CWC27: variants seen among roughly 807,000 people sequenced by gnomAD.
The protein encoded by CWC27 is spliceosome-associated protein CWC27 homolog.
Under a neutral mutation model 63.6 loss-of-function variants are expected in CWC27, and 47 were observed. The observed-to-expected ratio is 0.74, with a 90% confidence interval of 0.58 to 0.94. The LOEUF (loss-of-function observed/expected upper bound fraction) is 0.94. Among genes scored for constraint, CWC27 ranks in the 40% least tolerant of loss-of-function variants. The pLI, the probability that CWC27 is intolerant of heterozygous loss-of-function variation, is 0.00. For missense variants in CWC27, 495 were observed against 554.3 expected (o/e 0.89, Z 1.07); for synonymous variants, 175 against 179.8 (o/e 0.97, Z 0.22).
At chr5:64,807,207 G>A (rs1346930411) in intron 10 of CWC27, among the ~76,000 whole-genome samples, 2 of 152,140 alleles carry the variant, frequency 1.3e-5, no homozygotes, top group African/African-American at 4.8e-5. Flanking sequence ...TTTAAGCAAT[G>A]AGCCGTTCAA....
At chr5:64,837,135 A>G (rs1191459625) in intron 10 of CWC27, among the ~76,000 whole-genome samples, 1 of 152,100 alleles carries the variant, frequency 6.6e-6, no homozygotes, top group Non-Finnish European at 1.5e-5. Flanking sequence ...TCCAGGTACA[A>G]ATGAGAAACC....
At chr5:64,895,320 GA>G (rs75134965) in intron 11 of CWC27, among the ~76,000 whole-genome samples, 56,537 of 143,538 alleles carry the variant, frequency 0.39, 11,328 homozygotes, top group East Asian at 0.53. Flanking sequence ...CAACCTAACA[GA>G]AAAAAAAAAA....
intron 10 of CWC27, among the ~76,000 whole-genome samples, chr5:64,823,055 G>A (rs755898579): frequency 1.3e-5 from 2 of 152,116 alleles, no homozygotes; most frequent in African/African-American, 2.4e-5. Context: ...AGCATTGTTT[G>A]CTAGAAATGA....
At chr5:65,010,884 G>C (rs1291294490) in intron 13 of CWC27, among the ~76,000 whole-genome samples, 2 of 152,144 alleles carry the variant, frequency 1.3e-5, no homozygotes, top group Admixed American at 1.3e-4. Flanking sequence ...CAATGATTTG[G>C]AATTATGTAT....
At chr5:64,857,823 G>C (rs1746290704) in intron 10 of CWC27, among the ~76,000 whole-genome samples, 1 of 152,156 alleles carries the variant, frequency 6.6e-6, no homozygotes, top group East Asian at 1.9e-4. Context: ...TAAAATTTCT[G>C]TGTATTAAAA....
chr5:64,937,804 T>C (rs1417615012), intron 11 of CWC27, among the ~76,000 whole-genome samples: 1 of 152,172 alleles, frequency 6.6e-6, no homozygotes, highest in East Asian at 1.9e-4. Context: ...ATATTTAGGA[T>C]AGTTAGCTGT....
At chr5:64,874,886 G>C (rs765936503) in intron 10 of CWC27, among the ~76,000 whole-genome samples, 2 of 151,728 alleles carry the variant, frequency 1.3e-5, no homozygotes, top group African/African-American at 2.4e-5. Flanking sequence ...AGAAATGGAA[G>C]TCAAATTTGT....
intron 13 of CWC27, among the ~76,000 whole-genome samples, chr5:64,984,080 G>A (rs988344139): frequency 6.6e-6 from 1 of 152,084 alleles, no homozygotes; most frequent in African/African-American, 2.4e-5. Context: ...TGATCTGCCC[G>A]CCTCAGCCTC....
intron 11 of CWC27, among the ~76,000 whole-genome samples, chr5:64,946,939 T>C (rs1247480158): frequency 1.3e-5 from 2 of 152,134 alleles, no homozygotes; most frequent in Non-Finnish European, 2.9e-5. Context: ...AGAGCTCAGC[T>C]CAGCCTAGTA....
chr5:64,889,543 T>C lies in CWC27; in HGVS notation c.1042+3997T>C, dbSNP rs1394783065. Among the ~76,000 whole-genome samples, 5 of 152,354 alleles carry C rather than the reference T, an allele frequency of 3.3e-5. No individual in the cohort carries two copies. The South Asian group carries it at 1.0e-3, about 32-fold the overall frequency. On this transcript the variant is annotated intron_variant, in intron 11 of 13. Transcript: ENST00000381070. ...AGAAAATCCAGTTATTTCTATATGA[T>C]ATAAGGAAAGTTAACAGAAAAATAC...
chr5:64,885,813 A>G (rs1021561892), intron 11 of CWC27, among the ~76,000 whole-genome samples: 1 of 151,436 alleles, frequency 6.6e-6, no homozygotes, highest in Non-Finnish European at 1.5e-5. Context: ...AAGTAAATTC[A>G]GTGCAAATGG....
chr5:64,841,492 T>TA (rs1265550174), intron 10 of CWC27, among the ~76,000 whole-genome samples: 2 of 152,182 alleles, frequency 1.3e-5, no homozygotes, highest in Non-Finnish European at 2.9e-5. Flanking sequence ...AATATACCCT[T>TA]ACCCACCTAG....
At position 64,769,120 on chromosome 5, in the gene CWC27, G is replaced by A. The variant is rs1743143823; in HGVS notation, c.-27G>A. 1 of 1,612,308 alleles carries A rather than the reference G, an allele frequency of 6.2e-7. No homozygotes were observed. The highest frequency in any genetic ancestry group is 1.3e-5 in the African/African-American group (1 of 74,898). On this transcript the variant is annotated 5_prime_UTR_variant, in exon 1 of 14. Transcript: ENST00000381070. ...GGCCGGCCGCTCTCATCCCCCGTAA[G>A]GAGCAGAGTCCTTTGTACTGACCAA...
chr5:64,849,673 T>C (rs147578356), intron 10 of CWC27, among the ~76,000 whole-genome samples: 16 of 150,430 alleles, frequency 1.1e-4, no homozygotes, highest in African/African-American at 3.9e-4. Context: ...TCTCAAATTG[T>C]AATTCCCCCA....
intron 10 of CWC27, among the ~76,000 whole-genome samples, chr5:64,834,862 T>TA (rs1380568828): frequency 2.0e-5 from 3 of 151,770 alleles, no homozygotes; most frequent in Admixed American, 6.6e-5. Flanking sequence ...GAATTGTTTC[T>TA]AAAGATTGTC....
intron 10 of CWC27, among the ~76,000 whole-genome samples, chr5:64,855,150 C>G (rs941025037): frequency 6.6e-6 from 1 of 151,990 alleles, no homozygotes; most frequent in Non-Finnish European, 1.5e-5. Context: ...AATGGTCTAA[C>G]AATTAGCAAT....
At position 64,885,376 on chromosome 5, in the gene CWC27, C is replaced by G. The variant is rs1049502369; in HGVS notation, c.939-67C>G. On this transcript the variant is annotated intron_variant, in intron 10 of 13. Transcript: ENST00000381070. Reference sequence around the variant, plus strand: ...TCTTAGATGTAGTATACCAATGATTCTGTTTTTGCTAAACAACTTTTACTC... The same window carrying G: ...TCTTAGATGTAGTATACCAATGATTGTGTTTTTGCTAAACAACTTTTACTC... 5 of 1,071,432 alleles carry G rather than the reference C, an allele frequency of 4.7e-6. No individual in the cohort carries two copies. In the African/African-American group the frequency reaches 8.1e-5, roughly 17 times the overall value. 66.4% of individuals were successfully genotyped at this position (1,071,432 alleles called of 1,614,324 possible).
intron 11 of CWC27, among the ~76,000 whole-genome samples, chr5:64,959,077 A>G (rs901806408): frequency 6.6e-6 from 1 of 152,094 alleles, no homozygotes. Flanking sequence ...TAGTTTTTTT[A>G]TTGTAGTCCA....
chr5:64,899,840 C>G (rs931520588), intron 11 of CWC27, among the ~76,000 whole-genome samples: 2 of 152,226 alleles, frequency 1.3e-5, no homozygotes, highest in African/African-American at 4.8e-5. Context: ...CTCTGATCCC[C>G]TGGCAACCAC....
Sources: allele counts gnomAD v4.1 joint callset (sites outside exome capture counted in the v4.1 genomes callset), GRCh38; gene constraint gnomAD v4.1.1; transcripts MANE v1.5; gene names NCBI Gene and HGNC (gene_info 2026-07-23, HGNC 2026-07-21).